Variants in INSR observed in about 807,000 individuals in gnomAD.
The protein encoded by INSR is IR.
Under a neutral mutation model 142.6 loss-of-function variants are expected in INSR, and 67 were observed. That is an observed-to-expected ratio of 0.47 (90% CI 0.39 to 0.58). The LOEUF (loss-of-function observed/expected upper bound fraction) is 0.58, where lower values mean the gene tolerates loss of function less well. INSR is among the 20% of genes least tolerant of loss of function. The pLI, the probability that INSR is intolerant of heterozygous loss-of-function variation, is 0.00. For synonymous variants in INSR, 756 were observed against 743.1 expected, an observed-to-expected ratio of 1.02 and a Z score of -0.28; for missense variants, 1,248 against 1,833.2, an observed-to-expected ratio of 0.68 and a Z score of 5.83.
intron 10 of INSR, among the ~76,000 whole-genome samples, chr19:7,151,143 C>T (rs1388475113): frequency 1.8e-4 from 17 of 93,750 alleles, no homozygotes; most frequent in African/African-American, 5.5e-4. Context: ...CTTTCTTTCT[C>T]TCTTTCCTTT....
rs57665258 is a variant in INSR, at chr19:7,136,828, C to CAT, written c.2683-4513_2683-4512dup. ...ATGTAAAACTTTATTTATTTATTTA[C>CAT]ATATATATATATATATATATTGAGA... On this transcript the variant is annotated intron_variant, in intron 13 of 21. Coordinates refer to ENST00000302850, the MANE Select transcript of INSR (RefSeq NM_000208.4). Among the ~76,000 whole-genome samples, 89 of 139,826 alleles carry CAT rather than the reference C, an allele frequency of 6.4e-4. 4 individuals carry two copies. Among genetic ancestry groups the CAT allele is most frequent in the Middle Eastern group, 3.5e-3 (1 of 282 alleles). 91.7% of individuals were successfully genotyped at this position (139,826 alleles called of 152,430 possible). A position where few individuals can be genotyped will look rare whatever the true frequency, so the allele number is the denominator to read the frequency against.
intron 2 of INSR, among the ~76,000 whole-genome samples, chr19:7,244,281 C>T (rs1030372654): frequency 7.9e-5 from 12 of 152,088 alleles, no homozygotes; most frequent in African/African-American, 2.9e-4. Context: ...GCCTGTCATC[C>T]CAGCACTTTG....
intron 2 of INSR, among the ~76,000 whole-genome samples, chr19:7,247,119 G>A (rs1385684460): frequency 6.6e-6 from 1 of 152,136 alleles, no homozygotes; most frequent in Non-Finnish European, 1.5e-5. Flanking sequence ...CCACCTCATG[G>A]CTTAAGTGAA....
intron 4 of INSR, among the ~76,000 whole-genome samples, chr19:7,174,376 G>A (rs1974087696): frequency 6.6e-6 from 1 of 152,092 alleles, no homozygotes; most frequent in Non-Finnish European, 1.5e-5. Flanking sequence ...GAATCTCAAG[G>A]TTAGTAAGGC....
At chr19:7,206,771 A>G (rs1489819468) in intron 2 of INSR, among the ~76,000 whole-genome samples, 4 of 152,100 alleles carry the variant, frequency 2.6e-5, no homozygotes, top group African/African-American at 9.7e-5. Flanking sequence ...CGACCACAAC[A>G]AAAACAAACA....
At chr19:7,128,645 C>T (rs1972702045) in intron 15 of INSR, among the ~76,000 whole-genome samples, 1 of 151,766 alleles carries the variant, frequency 6.6e-6, no homozygotes, top group Non-Finnish European at 1.5e-5. Flanking sequence ...TCAATAAAAA[C>T]ATTCTGTGAG....
Position 7,146,807 on chromosome 19 carries a change from C to T in INSR, c.2267+3690G>A, listed in dbSNP as rs191200762. On this transcript the variant is annotated intron_variant, in intron 11 of 21. Coordinates refer to ENST00000302850, the MANE Select transcript of INSR (RefSeq NM_000208.4). ...ATTTAGACAAGTTAAATTTTCCCAC[C>T]TTACTGAAACTTTCAAATTTAGCAA... 4.7e-3 allele frequency among the ~76,000 whole-genome samples: 717 copies of T among 152,204 alleles called. 5 individuals carry two copies. The highest frequency in any genetic ancestry group is 4.7e-3 in the Non-Finnish European group (320 of 68,002).
intron 14 of INSR, among the ~76,000 whole-genome samples, chr19:7,130,707 A>T (rs2860174): frequency 0.18 from 27,681 of 152,060 alleles, 2,640 homozygotes; most frequent in South Asian, 0.31. Flanking sequence ...TGCCTGCAGA[A>T]CTGGGAGCCA....
At chr19:7,141,410 T>C (rs1973066791) in intron 13 of INSR, 1 of 501,390 alleles carries the variant, frequency 2.0e-6, no homozygotes, top group Admixed American at 3.2e-5. Flanking sequence ...GAGTCTCCTG[T>C]TGTGGTGGGA....
chr19:7,163,477 G>A lies in INSR; in HGVS notation c.1862-278C>T, dbSNP rs180858601. Among the ~76,000 whole-genome samples, 452 of 151,700 alleles carry A rather than the reference G, an allele frequency of 3.0e-3. 3 individuals carry two copies. The highest frequency in any genetic ancestry group is 9.2e-3 in the African/African-American group (380 of 41,370). On this transcript the variant is annotated intron_variant, in intron 8 of 21. Transcript: ENST00000302850. ...TGGGAGGCTGAGGCAGGAGAATGGC[G>A]TGAACCTGGGAGGCGGAGCTTGCAG...
intron 2 of INSR, among the ~76,000 whole-genome samples, chr19:7,194,661 C>A (rs1297687224): frequency 1.4e-5 from 2 of 146,278 alleles, no homozygotes; most frequent in Non-Finnish European, 3.0e-5. Context: ...TACAGGCACA[C>A]GCCACCACAC....
chr19:7,283,776 G>A lies in INSR; in HGVS notation c.100+10016C>T, dbSNP rs149807266. 2.0e-5 allele frequency among the ~76,000 whole-genome samples: 3 copies of A among 152,226 alleles called. No homozygotes were observed. In the East Asian group the frequency reaches 5.8e-4, roughly 29 times the overall value. ...TTGCAGCCGATTCTTGTTATTGGTG[G>A]TAGTTTGGCTCTGTGAAATTCCCCT... On this transcript the variant is annotated intron_variant, in intron 1 of 21. Coordinates refer to ENST00000302850, the MANE Select transcript of INSR (RefSeq NM_000208.4).
At chr19:7,250,891 A>G (rs1976706913) in intron 2 of INSR, among the ~76,000 whole-genome samples, 1 of 152,030 alleles carries the variant, frequency 6.6e-6, no homozygotes, top group Non-Finnish European at 1.5e-5. Flanking sequence ...GAACTGTCCC[A>G]GGAACGTACG....
At chr19:7,283,523 T>G (rs930893370) in intron 1 of INSR, among the ~76,000 whole-genome samples, 1 of 152,050 alleles carries the variant, frequency 6.6e-6, no homozygotes, top group African/African-American at 2.4e-5. Flanking sequence ...CACTGCAACC[T>G]CTGCCTCCCG....
chr19:7,230,764 C>T (rs1353115209), intron 2 of INSR, among the ~76,000 whole-genome samples: 1 of 146,070 alleles, frequency 6.8e-6, no homozygotes, highest in East Asian at 2.0e-4. Flanking sequence ...ACTGAGATTG[C>T]ACCACTGCAC....
At chr19:7,248,753 A>AGTTTTTTTTTTTTTT in intron 2 of INSR, among the ~76,000 whole-genome samples, 1 of 60,680 alleles carries the variant, frequency 1.6e-5, no homozygotes, top group African/African-American at 7.7e-5. Flanking sequence ...GGTTGGCCAG[A>AGTTTTTTTTTTTTTT]ATTTTTTTTT....
Position 7,197,519 on chromosome 19 carries a change from GT to G in INSR, c.653-12883del. ...CAGGTTCCAGAGTGGGAGTGGGGGT[GT>G]GTGTGTGTGTGTGTGTGTGTGTGTG... On this transcript the variant is annotated intron_variant, in intron 2 of 21. Coordinates refer to ENST00000302850, the MANE Select transcript of INSR (RefSeq NM_000208.4). 2.4e-5 allele frequency among the ~76,000 whole-genome samples: 3 copies of G among 124,490 alleles called. No homozygotes were observed. The South Asian group carries it at 7.4e-4, about 31-fold the overall frequency. 81.7% of individuals were successfully genotyped at this position (124,490 alleles called of 152,430 possible).
chr19:7,290,142 T>G (rs1968452477), intron 1 of INSR, among the ~76,000 whole-genome samples: 1 of 152,150 alleles, frequency 6.6e-6, no homozygotes, highest in Admixed American at 6.6e-5. Flanking sequence ...CCGTGGCTCA[T>G]GCCTGTGATC....
At position 7,150,508 on chromosome 19, in the gene INSR, G is replaced by A. The variant is rs376497490; in HGVS notation, c.2256C>T (p.Ala752=). 1.2e-6 allele frequency: 2 copies of A among 1,614,126 alleles called. No individual in the cohort carries two copies. The highest frequency in any genetic ancestry group is 8.5e-7 in the Non-Finnish European group (1 of 1,180,000). ...VPRKTSSGTG[A]EDPRPSRKRR... ...CAGGTGAGTCATACCTAGGGTCCTC[G>A]GCACCAGTGCCTGAAGAGGTTTTTC... The change falls in exon 11 of 22, where the codon GCC becomes GCT. Residue 752 remains alanine, a synonymous_variant. Coordinates refer to ENST00000302850, the MANE Select transcript of INSR (RefSeq NM_000208.4). This position sits in a 1 kb window ranked among gnomAD's most constrained non-coding sequence, Gnocchi z 4.2.
Sources: allele counts gnomAD v4.1 joint callset (sites outside exome capture counted in the v4.1 genomes callset), GRCh38; gene constraint gnomAD v4.1.1; non-coding constraint Gnocchi (gnomAD v3.1); transcripts MANE v1.5; gene names NCBI Gene and HGNC (gene_info 2026-07-23, HGNC 2026-07-21).